GALNT18: variants seen among roughly 807,000 people sequenced by gnomAD.
The protein encoded by GALNT18 is polypeptide N-acetylgalactosaminyltransferase 18, also known as GalNAc-transferase 18.
Under a neutral mutation model 69.5 loss-of-function variants are expected in GALNT18, and 44 were observed. The ratio of observed to expected loss-of-function variants is 0.63; its 90% confidence interval spans 0.50 to 0.81. GALNT18 has a LOEUF of 0.81. Ranked by LOEUF, GALNT18 falls within the 40% of genes least tolerant of loss-of-function variation. The pLI is 0.00. For missense variants in GALNT18, 715 were observed against 810.0 expected (o/e 0.88, Z 1.42); for synonymous variants, 364 against 318.2 (o/e 1.14, Z -1.53).
chr11:11,593,602 G>A (rs1859415299), intron 1 of GALNT18, among the ~76,000 whole-genome samples: 1 of 152,030 alleles, frequency 6.6e-6, no homozygotes, highest in African/African-American at 2.4e-5. Context: ...CATTTCCAGA[G>A]GCTTCTTATA....
intron 9 of GALNT18, among the ~76,000 whole-genome samples, chr11:11,293,527 A>ACC (rs1168329651): frequency 4.7e-5 from 6 of 127,042 alleles, no homozygotes; most frequent in Admixed American, 2.7e-4. Context: ...CAGTTTACAA[A>ACC]CCCCTCTTTT....
At position 11,543,470 on chromosome 11, in the gene GALNT18, TGTCCCCACC is replaced by T. The variant is rs1857972444; in HGVS notation, c.235+77880_235+77888del. 6.6e-6 allele frequency among the ~76,000 whole-genome samples: 1 copy of T among 152,176 alleles called. No homozygotes were observed. Among genetic ancestry groups the T allele is most frequent in the Non-Finnish European group, 1.5e-5 (1 of 68,028 alleles). ...CGGGGATGTCCCTTCTCTGCTACCCTGTCCCCACCGTCCCCACCACCCACCAAGAGCCTG... is the reference window on the plus strand; with the variant it reads ...CGGGGATGTCCCTTCTCTGCTACCCTGTCCCCACCACCCACCAAGAGCCTG... On this transcript the variant is annotated intron_variant, in intron 1 of 10. Coordinates refer to ENST00000227756, the MANE Select transcript of GALNT18 (RefSeq NM_198516.3). The surrounding 1 kb of genome is among the most constrained non-coding windows in gnomAD (Gnocchi z 5.1).
chr11:11,588,603 A>T (rs1043760480), intron 1 of GALNT18, among the ~76,000 whole-genome samples: 1 of 152,098 alleles, frequency 6.6e-6, no homozygotes, highest in East Asian at 1.9e-4. Context: ...CTGGATGAAG[A>T]CTCAGGGGTG....
In GALNT18 at chr11:11,613,360, G is replaced by A. The variant is rs559637898; in HGVS notation, c.235+7999C>T. 1.6e-4 allele frequency among the ~76,000 whole-genome samples: 25 copies of A among 152,280 alleles called. No homozygotes were observed. Among genetic ancestry groups the A allele is most frequent in the Non-Finnish European group, 1.5e-5 (1 of 68,020 alleles). On this transcript the variant is annotated intron_variant, in intron 1 of 10. Coordinates refer to ENST00000227756, the MANE Select transcript of GALNT18 (RefSeq NM_198516.3). The surrounding 1 kb of genome is among the most constrained non-coding windows in gnomAD (Gnocchi z 4.2). ...GGAGCAGTTGTGAGGTAATTAGTGA[G>A]TAACAATAATTTAAGTACCAAAGCT...
rs918321540 is a variant in GALNT18, at chr11:11,582,547, T to C, written c.235+38812A>G. Among the ~76,000 whole-genome samples the C allele has an allele frequency of 2.6e-5, 4 of 152,258 alleles. No individual in the cohort carries two copies. The highest frequency in any genetic ancestry group is 9.6e-5 in the African/African-American group (4 of 41,474). ...AAGAGCCATTATGACTTACAGCTATTGTTCTCTTTTCCTCTGCCACAAGAT... is the reference window on the plus strand; with the variant it reads ...AAGAGCCATTATGACTTACAGCTATCGTTCTCTTTTCCTCTGCCACAAGAT... On this transcript the variant is annotated intron_variant, in intron 1 of 10. Coordinates refer to ENST00000227756, the MANE Select transcript of GALNT18 (RefSeq NM_198516.3). The surrounding 1 kb of genome is among the most constrained non-coding windows in gnomAD (Gnocchi z 5.0).
At chr11:11,366,308 A>G (rs17436486) in intron 6 of GALNT18, among the ~76,000 whole-genome samples, 38,912 of 152,152 alleles carry the variant, frequency 0.26, 5,430 homozygotes, top group Middle Eastern at 0.32. Flanking sequence ...GTTAAGCACG[A>G]CTATAATACA....
chr11:11,401,568 T>G lies in GALNT18; in HGVS notation c.596-22304A>C, dbSNP rs527946423. 2.0e-5 allele frequency among the ~76,000 whole-genome samples: 3 copies of G among 152,340 alleles called. No individual in the cohort carries two copies. The South Asian group carries it at 6.2e-4, about 32-fold the overall frequency. ...TTGACATCCTGAGCATACACTCATC[T>G]TCTAGGAACAAGGATACTGGGATTC... is the stretch of plus-strand genomic sequence containing the variant. On this transcript the variant is annotated intron_variant, in intron 3 of 10. Coordinates refer to ENST00000227756, the MANE Select transcript of GALNT18 (RefSeq NM_198516.3).
At chr11:11,478,915 C>T (rs1005425316) in intron 1 of GALNT18, among the ~76,000 whole-genome samples, 1 of 150,656 alleles carries the variant, frequency 6.6e-6, no homozygotes, top group African/African-American at 2.5e-5. Context: ...TGCGGCATCT[C>T]GGCATCTCCC....
At position 11,505,050 on chromosome 11, in the gene GALNT18, A is replaced by G. The variant is rs1857044616; in HGVS notation, c.236-56114T>C. 6.6e-6 allele frequency among the ~76,000 whole-genome samples: 1 copy of G among 152,236 alleles called. No individual in the cohort carries two copies. The highest frequency in any genetic ancestry group is 1.5e-5 in the Non-Finnish European group (1 of 68,046). ...TGGAAGCGCTAGAACCCAGATATGTACAAAGTGCCATGGGAACATAGGAAA... is the reference window on the plus strand; with the variant it reads ...TGGAAGCGCTAGAACCCAGATATGTGCAAAGTGCCATGGGAACATAGGAAA... On this transcript the variant is annotated intron_variant, in intron 1 of 10. Coordinates refer to ENST00000227756, the MANE Select transcript of GALNT18 (RefSeq NM_198516.3). This position sits in a 1 kb window ranked among gnomAD's most constrained non-coding sequence, Gnocchi z 4.6.
rs921428747 is a variant in GALNT18, at chr11:11,591,049, AT to A, written c.235+30309del. 4.9e-4 allele frequency among the ~76,000 whole-genome samples: 75 copies of A among 152,234 alleles called. No individual in the cohort carries two copies. Among genetic ancestry groups the A allele is most frequent in the African/African-American group, 1.8e-3 (75 of 41,528 alleles). The stretch of plus-strand genomic sequence containing the variant: ...TTCCTGAGATATTCCAGAAGAAGGC[AT>A]TATCATCATAGCAGATGACAGCTCT... On this transcript the variant is annotated intron_variant, in intron 1 of 10. Coordinates refer to ENST00000227756, the MANE Select transcript of GALNT18 (RefSeq NM_198516.3). This position sits in a 1 kb window ranked among gnomAD's most constrained non-coding sequence, Gnocchi z 4.8.
intron 1 of GALNT18, among the ~76,000 whole-genome samples, chr11:11,558,467 C>A (rs1858386953): frequency 6.6e-6 from 1 of 152,230 alleles, no homozygotes; most frequent in Non-Finnish European, 1.5e-5. Flanking sequence ...TGAGGCTGGG[C>A]TCTGCGGAGG....
intron 1 of GALNT18, among the ~76,000 whole-genome samples, chr11:11,515,220 A>G (rs1857246958): frequency 6.6e-6 from 1 of 152,200 alleles, no homozygotes; most frequent in Admixed American, 6.5e-5. Flanking sequence ...GCTTGGTACT[A>G]GGCACAGCAA....
intron 1 of GALNT18, among the ~76,000 whole-genome samples, chr11:11,535,695 A>T (rs971831056): frequency 1.3e-5 from 2 of 152,278 alleles, no homozygotes; most frequent in South Asian, 2.1e-4. Flanking sequence ...AATCCCTGCT[A>T]GGTTTGCCCG....
chr11:11,285,992 T>G (rs1213438244), intron 10 of GALNT18, among the ~76,000 whole-genome samples: 1 of 152,206 alleles, frequency 6.6e-6, no homozygotes, highest in Admixed American at 6.5e-5. Context: ...TCTCCTTTCC[T>G]GGCATTAACA....
chr11:11,609,041 A>G (rs1859822431), intron 1 of GALNT18, among the ~76,000 whole-genome samples: 1 of 152,222 alleles, frequency 6.6e-6, no homozygotes, highest in Non-Finnish European at 1.5e-5. Context: ...TCTCAGCCCA[A>G]TTATGAGCTC....
At chr11:11,553,681 C>T (rs1858255557) in intron 1 of GALNT18, among the ~76,000 whole-genome samples, 1 of 87,420 alleles carries the variant, frequency 1.1e-5, no homozygotes, top group African/African-American at 2.8e-5. Flanking sequence ...GCACCAAGCT[C>T]CCCCCCAGCA....
chr11:11,375,774 TAAC>T (rs36092937), intron 5 of GALNT18, among the ~76,000 whole-genome samples: 18,309 of 152,246 alleles, frequency 0.12, 1,262 homozygotes, highest in Middle Eastern at 0.17. Context: ...AGCAAATGTT[TAAC>T]AACACAAAAT....
chr11:11,484,445 T>C (rs1311818885), intron 1 of GALNT18, among the ~76,000 whole-genome samples: 1 of 151,660 alleles, frequency 6.6e-6, no homozygotes, highest in Non-Finnish European at 1.5e-5. Flanking sequence ...AATACAAAAT[T>C]AGCCAAGTAT....
rs1405876643 is a variant in GALNT18 at position 11,389,272 on chromosome 11, A to C, written c.596-10008T>G. Among the ~76,000 whole-genome samples the C allele has an allele frequency of 6.6e-6, 1 of 152,246 alleles. No homozygotes were observed. Among genetic ancestry groups the C allele is most frequent in the African/African-American group, 2.4e-5 (1 of 41,474 alleles). On this transcript the variant is annotated intron_variant, in intron 3 of 10. Coordinates refer to ENST00000227756, the MANE Select transcript of GALNT18 (RefSeq NM_198516.3). This position sits in a 1 kb window ranked among gnomAD's most constrained non-coding sequence, Gnocchi z 4.3. ...TGTCCAGCAGCCTTCCGAAGGAGTC[A>C]GCTTTGTAGGCTCAACAGAAGCTCT...
Sources: allele counts gnomAD v4.1 joint callset (sites outside exome capture counted in the v4.1 genomes callset), GRCh38; gene constraint gnomAD v4.1.1; non-coding constraint Gnocchi (gnomAD v3.1); transcripts MANE v1.5; gene names NCBI Gene and HGNC (gene_info 2026-07-23, HGNC 2026-07-21).